The following EXOC6 variants were observed in gnomAD, a reference collection of about 807,000 sequenced individuals.
The protein encoded by EXOC6 is SEC15-like 1.
EXOC6 carries 60 observed loss-of-function variants against 112.5 expected under a neutral mutation model. The observed-to-expected ratio is 0.53, with a 90% CI of 0.43 to 0.66. EXOC6 has a LOEUF of 0.66. Ranked by LOEUF, EXOC6 falls within the 30% of genes least tolerant of loss-of-function variation. The pLI is 0.00. For synonymous variants in EXOC6, 295 were observed against 308.0 expected, an observed-to-expected ratio of 0.96 and a Z score of 0.44; for missense variants, 855 against 957.1, an observed-to-expected ratio of 0.89 and a Z score of 1.41.
Position 93,058,432 on chromosome 10 carries a change from A to G in EXOC6, c.*77A>G. 7.6e-7 allele frequency: 1 copy of G among 1,310,124 alleles called. No individual in the cohort carries two copies. The highest frequency in any genetic ancestry group is 1.0e-6 in the Non-Finnish European group (1 of 985,188). 81.2% of individuals were successfully genotyped at this position (1,310,124 alleles called of 1,614,324 possible). A position where few individuals can be genotyped will look rare whatever the true frequency, so the allele number is the denominator to read the frequency against. On this transcript the variant is annotated 3_prime_UTR_variant, in exon 22 of 22. Coordinates refer to ENST00000260762, the MANE Select transcript of EXOC6 (RefSeq NM_019053.6). ...CTTGAGCAAGTATTGGTCATGATAC[A>G]GTAATTTGTTTACAGAATCCAAAAA... is the stretch of plus-strand genomic sequence containing the variant.
intron 7 of EXOC6, among the ~76,000 whole-genome samples, chr10:92,919,483 G>A (rs565152931): frequency 6.6e-6 from 1 of 152,056 alleles, no homozygotes; most frequent in South Asian, 2.1e-4. Context: ...TCTTAAAGAT[G>A]ATGGTGTTAT....
intron 5 of EXOC6, among the ~76,000 whole-genome samples, chr10:92,903,034 A>T (rs1206575839): frequency 6.6e-6 from 1 of 152,102 alleles, no homozygotes; most frequent in Non-Finnish European, 1.5e-5. Context: ...ATATGTTTAT[A>T]TTTCCATTTA....
chr10:93,014,055 T>C (rs1260787609), intron 19 of EXOC6, 139 bp from the exon 20 acceptor site: 1 of 656,994 alleles, frequency 1.5e-6, no homozygotes, highest in African/African-American at 1.8e-5. Flanking sequence ...GAAATTGAAG[T>C]TTATAAATAA....
chr10:93,027,081 G>A (rs1473680326), intron 20 of EXOC6, among the ~76,000 whole-genome samples: 3 of 152,202 alleles, frequency 2.0e-5, no homozygotes, highest in East Asian at 3.8e-4. Context: ...ATTGATATGA[G>A]AGCAAAATAG....
chr10:92,858,021 T>TCCCCCCCCCCCCC (rs1219745720), intron 1 of EXOC6, among the ~76,000 whole-genome samples: 1 of 108,414 alleles, frequency 9.2e-6, no homozygotes, highest in Non-Finnish European at 1.8e-5. Flanking sequence ...AGTTGACGGG[T>TCCCCCCCCCCCCC]TCCCCCCCTC....
chr10:93,037,109 A>G (rs1170548748), intron 20 of EXOC6, among the ~76,000 whole-genome samples: 1 of 151,890 alleles, frequency 6.6e-6, no homozygotes, highest in Non-Finnish European at 1.5e-5. Context: ...CTCAAAATTA[A>G]TTCACATTTT....
At chr10:92,831,406 G>GAAGAA, upstream of EXOC6, 2 of 1,087,876 alleles carry the variant, frequency 1.8e-6, no homozygotes, top group Non-Finnish European at 2.5e-6. Context: ...TTAGAGTATA[G>GAAGAA]TATTCTTCTA....
At chr10:92,918,456 C>T (rs996206284) in intron 7 of EXOC6, among the ~76,000 whole-genome samples, 3 of 151,608 alleles carry the variant, frequency 2.0e-5, no homozygotes, top group African/African-American at 7.3e-5. Context: ...CTCTGTCACC[C>T]AGGCTGGAGA....
intron 18 of EXOC6, among the ~76,000 whole-genome samples, chr10:92,988,283 C>G (rs1250261235): frequency 6.6e-6 from 1 of 152,104 alleles, no homozygotes; most frequent in East Asian, 1.9e-4. Flanking sequence ...GTCTTTTTCA[C>G]CTTTACTTGT....
chr10:92,872,947 A>G (rs968797479), intron 1 of EXOC6, among the ~76,000 whole-genome samples: 7 of 152,146 alleles, frequency 4.6e-5, no homozygotes, highest in African/African-American at 1.2e-4. Context: ...CAAAGTGCAC[A>G]TTAGATCTGC....
At chr10:92,858,313 TG>T (rs1440264368) in intron 1 of EXOC6, among the ~76,000 whole-genome samples, 1 of 152,220 alleles carries the variant, frequency 6.6e-6, no homozygotes, top group African/African-American at 2.4e-5. Flanking sequence ...ATAGTCATTC[TG>T]TTCCTTTCTC....
At chr10:92,975,555 G>A (rs1239893798) in intron 18 of EXOC6, among the ~76,000 whole-genome samples, 1 of 145,006 alleles carries the variant, frequency 6.9e-6, no homozygotes, top group Non-Finnish European at 1.5e-5. Flanking sequence ...CGCCCCGTCC[G>A]GGACGGAGGT....
At chr10:92,850,628 A>G (rs1179073242) in intron 1 of EXOC6, among the ~76,000 whole-genome samples, 1 of 152,162 alleles carries the variant, frequency 6.6e-6, no homozygotes, top group Non-Finnish European at 1.5e-5. Flanking sequence ...ACCACCATGA[A>G]CTGTCATCTA....
rs545757399 is a variant in EXOC6 at position 93,033,289 on chromosome 10, G to T, written c.2169+19022G>T. Among the ~76,000 whole-genome samples the T allele has an allele frequency of 5.9e-5, 9 of 152,302 alleles. No homozygotes were observed. In the South Asian group the frequency reaches 1.9e-3, roughly 32 times the overall value. On this transcript the variant is annotated intron_variant, in intron 20 of 21. Coordinates refer to ENST00000260762, the MANE Select transcript of EXOC6 (RefSeq NM_019053.6). ...GACTACAGATGATAGAATTGCTGTA[G>T]TAACTACTGATGATTGGGTTCACTG...
chr10:92,915,951 A>AT lies in EXOC6; in HGVS notation c.819+46dup, dbSNP rs759379196. ...TTTCTTTCTTTTCTATTATTAGATA[A>AT]TTTTTTTTCTTTTGGATTGTAATGT... On this transcript the variant is annotated intron_variant, in intron 7 of 21. Transcript: ENST00000260762. The AT allele has an allele frequency of 4.8e-5, 68 of 1,410,934 alleles. No individual in the cohort carries two copies. In the South Asian group the frequency reaches 6.5e-4, roughly 13 times the overall value. The allele number at this position is 1,410,934 out of a possible 1,614,324, so 87.4% of individuals were successfully genotyped here. A position where few individuals can be genotyped will look rare whatever the true frequency, so the allele number is the denominator to read the frequency against.
intron 15 of EXOC6, among the ~76,000 whole-genome samples, 179 bp downstream of exon 15, chr10:92,952,561 G>C (rs766406526): frequency 1.5e-4 from 23 of 152,128 alleles, no homozygotes; most frequent in Admixed American, 1.5e-3. Flanking sequence ...GTGTCACCCA[G>C]GTAGCGAGCA....
intron 1 of EXOC6, among the ~76,000 whole-genome samples, chr10:92,854,244 C>A (rs1406988616): frequency 6.6e-6 from 1 of 151,914 alleles, no homozygotes. Flanking sequence ...TTGAAACCAT[C>A]CTGGCCAATG....
chr10:92,879,947 A>G (rs1257385312), intron 1 of EXOC6, among the ~76,000 whole-genome samples: 1 of 152,200 alleles, frequency 6.6e-6, no homozygotes, highest in Non-Finnish European at 1.5e-5. Context: ...CAGTTATATT[A>G]AAGCAATAGG....
At chr10:92,852,710 C>T (rs1319391000) in intron 1 of EXOC6, among the ~76,000 whole-genome samples, 1 of 151,992 alleles carries the variant, frequency 6.6e-6, no homozygotes, top group Non-Finnish European at 1.5e-5. Context: ...TTGACAAAAT[C>T]GAATATTAAT....
Sources: allele counts gnomAD v4.1 joint callset (sites outside exome capture counted in the v4.1 genomes callset), GRCh38; gene constraint gnomAD v4.1.1; transcripts MANE v1.5; gene names NCBI Gene and HGNC (gene_info 2026-07-23, HGNC 2026-07-21).